The following CAMTA1 variants were observed in gnomAD, a reference collection of about 807,000 sequenced individuals.
CAMTA1 encodes calmodulin-binding transcription activator 1.
In CAMTA1, 27 loss-of-function variants were observed where a neutral mutation model predicts 170.9. The observed-to-expected ratio is 0.16, with a 90% CI of 0.12 to 0.22. The LOEUF (loss-of-function observed/expected upper bound fraction) is 0.22. Among genes scored for constraint, CAMTA1 ranks in the 10% least tolerant of loss-of-function variants. The pLI, the probability that CAMTA1 is intolerant of heterozygous loss-of-function variation, is 1.00. For missense variants in CAMTA1, 1,619 were observed against 2,217.2 expected (o/e 0.73, Z 5.42); for synonymous variants, 833 against 891.5 (o/e 0.93, Z 1.17).
At chr1:7,335,136 GTGTGGGGGGGGGGGGGGGGGGT>G (rs2083280485) in intron 5 of CAMTA1, among the ~76,000 whole-genome samples, 1 of 70,840 alleles carries the variant, frequency 1.4e-5, no homozygotes, top group African/African-American at 4.3e-5. Context: ...GTGTGTGTGT[GTGTGGGGGGGGGGGGGGGGGGT>G]GGGGGTGGGG....
At chr1:7,511,764 G>A (rs1323813766) in intron 6 of CAMTA1, among the ~76,000 whole-genome samples, 5 of 152,150 alleles carry the variant, frequency 3.3e-5, no homozygotes, top group Admixed American at 6.5e-5. Context: ...GGTGTTTCCC[G>A]TGGCTGGGGC....
intron 6 of CAMTA1, among the ~76,000 whole-genome samples, chr1:7,599,524 C>G (rs952081969): frequency 7.9e-5 from 12 of 152,070 alleles, no homozygotes; most frequent in African/African-American, 2.4e-4. Context: ...TATAAATTAC[C>G]TTGGGGAGTA....
chr1:6,816,905 G>A (rs1250339567), intron 1 of CAMTA1, among the ~76,000 whole-genome samples: 1 of 152,160 alleles, frequency 6.6e-6, no homozygotes, highest in Admixed American at 6.5e-5. Flanking sequence ...TATCATGGAA[G>A]TTTTTTTGTG....
chr1:6,951,346 C>G (rs1246295000), intron 3 of CAMTA1, among the ~76,000 whole-genome samples: 1 of 152,156 alleles, frequency 6.6e-6, no homozygotes, highest in Admixed American at 6.5e-5. Context: ...CACTTAACCT[C>G]TCTGAGCCTT....
intron 5 of CAMTA1, among the ~76,000 whole-genome samples, chr1:7,311,680 C>G (rs1030083251): frequency 2.6e-5 from 4 of 152,056 alleles, no homozygotes; most frequent in African/African-American, 9.7e-5. Context: ...TGATGAGACT[C>G]TAGGTCATGT....
In CAMTA1 at chr1:7,014,735, G is replaced by C; in HGVS notation, c.235-76569G>C. On this transcript the variant is annotated intron_variant, in intron 3 of 22. Transcript: ENST00000303635. The surrounding 1 kb of genome is among the most constrained non-coding windows in gnomAD (Gnocchi z 4.2). ...GGCTCCTCGTAAGAGGTGGGACTCA[G>C]CCGAGGGGGCCAGTCTAGAGGTTAC... Among the ~76,000 whole-genome samples, 1 of 152,186 alleles carries C rather than the reference G, an allele frequency of 6.6e-6. No homozygotes were observed. Among genetic ancestry groups the C allele is most frequent in the African/African-American group, 2.4e-5 (1 of 41,442 alleles).
At chr1:7,198,271 G>C (rs1655942679) in intron 4 of CAMTA1, among the ~76,000 whole-genome samples, 1 of 151,996 alleles carries the variant, frequency 6.6e-6, no homozygotes, top group South Asian at 2.1e-4. Flanking sequence ...AGCTGACCCT[G>C]CATTTGGAGG....
chr1:7,349,154 G>A (rs1449396199), intron 5 of CAMTA1, among the ~76,000 whole-genome samples: 3 of 152,212 alleles, frequency 2.0e-5, no homozygotes, highest in Non-Finnish European at 4.4e-5. Flanking sequence ...TCGAGCGCAT[G>A]TTAACGACAG....
chr1:7,416,111 G>T (rs1241268048), intron 5 of CAMTA1, among the ~76,000 whole-genome samples: 1 of 152,196 alleles, frequency 6.6e-6, no homozygotes, highest in Non-Finnish European at 1.5e-5. Context: ...GGCTTGTAGA[G>T]TTTCTGCTGA....
chr1:6,899,551 C>CGCGT (rs1456818597), intron 3 of CAMTA1, among the ~76,000 whole-genome samples: 1 of 96,250 alleles, frequency 1.0e-5, no homozygotes, highest in African/African-American at 4.1e-5. Context: ...CGCACGCGCG[C>CGCGT]GCGCACACAC....
chr1:6,961,857 T>C (rs949372899), intron 3 of CAMTA1, among the ~76,000 whole-genome samples: 1 of 152,240 alleles, frequency 6.6e-6, no homozygotes, highest in Non-Finnish European at 1.5e-5. Context: ...GGCGTCTGGC[T>C]GGGTGTCCCT....
rs958019514 is a variant in CAMTA1 at position 7,220,804 on chromosome 1, G to A, written c.303-28687G>A. Among the ~76,000 whole-genome samples the A allele has an allele frequency of 1.7e-4, 26 of 152,358 alleles. 1 individual carries two copies. The highest frequency in any genetic ancestry group is 2.1e-4 in the South Asian group (1 of 4,826). ...CTGCTGTCCCCTGACCTGGCACCAC[G>A]GGCCCAACTTTGGGTTTTAACTTCC... On this transcript the variant is annotated intron_variant, in intron 4 of 22. Transcript: ENST00000303635.
chr1:7,676,508 G>A (rs180958436), intron 10 of CAMTA1, among the ~76,000 whole-genome samples: 2 of 152,348 alleles, frequency 1.3e-5, no homozygotes, highest in Admixed American at 6.5e-5. Flanking sequence ...CAGAGTCCTC[G>A]GAGGAAAGAT....
At position 6,934,641 on chromosome 1, in the gene CAMTA1, C is replaced by T. The variant is rs982325198; in HGVS notation, c.234+109431C>T. ...AGACCTGTGGCCGGCAGGAGCTGCC[C>T]GAGATCCCGGGGCAAATGCCTCCCC... On this transcript the variant is annotated intron_variant, in intron 3 of 22. Transcript: ENST00000303635. This position sits in a 1 kb window ranked among gnomAD's most constrained non-coding sequence, Gnocchi z 4.5. Among the ~76,000 whole-genome samples, 6 of 152,268 alleles carry T rather than the reference C, an allele frequency of 3.9e-5. No homozygotes were observed. Among genetic ancestry groups the T allele is most frequent in the Non-Finnish European group, 8.8e-5 (6 of 68,006 alleles).
chr1:6,969,076 G>A (rs1272308797), intron 3 of CAMTA1, among the ~76,000 whole-genome samples: 1 of 152,194 alleles, frequency 6.6e-6, no homozygotes, highest in East Asian at 1.9e-4. Flanking sequence ...GTGGTGAGTG[G>A]ACCAGAAGAG....
intron 4 of CAMTA1, among the ~76,000 whole-genome samples, chr1:7,190,447 A>G (rs1654304746): frequency 6.6e-6 from 1 of 152,194 alleles, no homozygotes; most frequent in Non-Finnish European, 1.5e-5. Context: ...ATACGTGTGT[A>G]GAAAATAATC....
At chr1:7,514,073 G>A (rs2094245189) in intron 6 of CAMTA1, among the ~76,000 whole-genome samples, 2 of 152,184 alleles carry the variant, frequency 1.3e-5, no homozygotes, top group Non-Finnish European at 2.9e-5. Flanking sequence ...TCACATTCTG[G>A]GGCACTGGGG....
chr1:7,390,136 C>G (rs1018018871), intron 5 of CAMTA1, among the ~76,000 whole-genome samples: 5 of 152,194 alleles, frequency 3.3e-5, no homozygotes, highest in Non-Finnish European at 4.4e-5. Context: ...CCACTTCTGC[C>G]CAGTCACTTC....
At chr1:7,263,843 A>G (rs1668519315) in intron 5 of CAMTA1, among the ~76,000 whole-genome samples, 3 of 152,214 alleles carry the variant, frequency 2.0e-5, no homozygotes, top group South Asian at 2.1e-4. Flanking sequence ...TTAGGCAGCA[A>G]AAGTATTTCC....
Sources: allele counts gnomAD v4.1 joint callset (sites outside exome capture counted in the v4.1 genomes callset), GRCh38; gene constraint gnomAD v4.1.1; non-coding constraint Gnocchi (gnomAD v3.1); transcripts MANE v1.5; gene names NCBI Gene and HGNC (gene_info 2026-07-23, HGNC 2026-07-21).